Variants in DCC observed in about 807,000 individuals in gnomAD.
DCC encodes the protein netrin receptor DCC.
In DCC, 58 loss-of-function variants were observed where a neutral mutation model predicts 172.5. That is an observed-to-expected ratio of 0.34 (90% CI 0.27 to 0.42). The LOEUF (loss-of-function observed/expected upper bound fraction) is 0.42, where lower values mean the gene tolerates loss of function less well. Ranked by LOEUF, DCC falls within the 10% of genes least tolerant of loss-of-function variation. The pLI is 1.00. For synonymous variants in DCC, 709 were observed against 644.5 expected (o/e 1.10, Z -1.52); for missense variants, 1,740 against 1,791.0 (o/e 0.97, Z 0.51).
intron 3 of DCC, among the ~76,000 whole-genome samples, chr18:52,922,610 A>G (rs949825614): frequency 6.6e-6 from 1 of 152,192 alleles, no homozygotes; most frequent in African/African-American, 2.4e-5. Flanking sequence ...GATGACTTCA[A>G]TTAAGTCTTC....
chr18:53,037,356 T>C (rs939028212), intron 5 of DCC, among the ~76,000 whole-genome samples: 1 of 151,944 alleles, frequency 6.6e-6, no homozygotes, highest in Non-Finnish European at 1.5e-5. Context: ...AAATGACATA[T>C]ATTGCCTACT....
chr18:52,750,277 A>G (rs2145129696), intron 1 of DCC, among the ~76,000 whole-genome samples: 1 of 152,300 alleles, frequency 6.6e-6, no homozygotes, highest in South Asian at 2.1e-4. Flanking sequence ...TTGAAGTGAT[A>G]AAACCAAGAC....
rs74180424 is a variant in DCC, at chr18:53,437,582, C to CAAAA, written c.3229+2398_3229+2401dup. On this transcript the variant is annotated intron_variant, in intron 22 of 28. Transcript: ENST00000442544. Reference sequence around the variant, plus strand: ...TGGGCAACAGAGCAAGGCTCCATCTCAAAAAAAAAAAAAAAAAAAAAAAAA... The same window carrying CAAAA: ...TGGGCAACAGAGCAAGGCTCCATCTCAAAAAAAAAAAAAAAAAAAAAAAAAAAAA... 2.4e-4 allele frequency among the ~76,000 whole-genome samples: 5 copies of CAAAA among 20,838 alleles called. 1 individual carries two copies. Among genetic ancestry groups the CAAAA allele is most frequent in the African/African-American group, 6.4e-4 (3 of 4,722 alleles). The allele number at this position is 20,838 out of a possible 152,430, so 13.7% of individuals were successfully genotyped here. A position where few individuals can be genotyped will look rare whatever the true frequency, so the allele number is the denominator to read the frequency against.
chr18:53,485,747 T>G (rs1599205158), intron 25 of DCC, among the ~76,000 whole-genome samples: 1 of 152,076 alleles, frequency 6.6e-6, no homozygotes, highest in East Asian at 1.9e-4. Flanking sequence ...TCAGTTAGAA[T>G]TTAAAAGAAA....
In DCC at chr18:52,850,554, A is replaced by T. The variant is rs1004974542; in HGVS notation, c.413-55490A>T. ...ACTATTTGCTCTAAGTGAACGTATG[A>T]CTACAATGTGTAATGAACATTGTGT... On this transcript the variant is annotated intron_variant, in intron 2 of 28. Transcript: ENST00000442544. Among the ~76,000 whole-genome samples the T allele has an allele frequency of 8.5e-4, 130 of 152,126 alleles. 1 individual carries two copies. Among genetic ancestry groups the T allele is most frequent in the Admixed American group, 8.5e-3 (130 of 15,270 alleles).
intron 2 of DCC, among the ~76,000 whole-genome samples, chr18:52,861,466 A>G (rs568847605): frequency 6.6e-6 from 1 of 152,322 alleles, no homozygotes; most frequent in South Asian, 2.1e-4. Flanking sequence ...CTATGTAAAC[A>G]ACGATATTAC....
In DCC at chr18:53,402,883, G is replaced by A. The variant is rs267605209; in HGVS notation, c.2925G>A (p.Gly975=). 1.2e-6 allele frequency: 2 copies of A among 1,610,668 alleles called. No individual in the cohort carries two copies. The highest frequency in any genetic ancestry group is 1.7e-6 in the Non-Finnish European group (2 of 1,176,852). The part of the protein sequence containing the change: ...VSWQPPLEAN[G]KITAYILFYT... The stretch of plus-strand genomic sequence containing the variant: ...GGCAGCCTCCCTTGGAAGCCAATGG[G>A]AAAATTACTGGTAAGCATCTCCACT... The change falls in exon 19 of 29, where the codon GGG becomes GGA. Residue 975 remains glycine (G), a synonymous_variant. Transcript: ENST00000442544.
intron 12 of DCC, among the ~76,000 whole-genome samples, chr18:53,239,148 C>A (rs911011083): frequency 1.3e-5 from 2 of 150,282 alleles, no homozygotes; most frequent in African/African-American, 4.9e-5. Context: ...ACATATGTAA[C>A]TAACCTGCAC....
intron 1 of DCC, among the ~76,000 whole-genome samples, chr18:52,434,971 C>G (rs571906992): frequency 1.3e-5 from 2 of 152,104 alleles, no homozygotes; most frequent in Admixed American, 1.3e-4. Context: ...ACCTTTCTTG[C>G]GAGTAATCAT....
intron 1 of DCC, among the ~76,000 whole-genome samples, chr18:52,432,892 T>C (rs1987671729): frequency 1.3e-5 from 2 of 152,118 alleles, no homozygotes; most frequent in African/African-American, 4.8e-5. Flanking sequence ...TAGAGGGAAA[T>C]TGGCAAACGG....
chr18:53,370,172 G>C (rs1450529987), intron 15 of DCC, among the ~76,000 whole-genome samples: 1 of 151,718 alleles, frequency 6.6e-6, no homozygotes, highest in East Asian at 1.9e-4. Flanking sequence ...TTGTGATTTA[G>C]TCTTGGTTGG....
intron 15 of DCC, among the ~76,000 whole-genome samples, chr18:53,360,350 C>A (rs1289015495): frequency 6.6e-6 from 1 of 152,080 alleles, no homozygotes; most frequent in Non-Finnish European, 1.5e-5. Flanking sequence ...ATAGATTATT[C>A]ATATGTGAGT....
At chr18:53,201,108 A>G (rs2055529690) in intron 9 of DCC, among the ~76,000 whole-genome samples, 1 of 152,048 alleles carries the variant, frequency 6.6e-6, no homozygotes, top group African/African-American at 2.4e-5. Context: ...CTTCCCACAC[A>G]CTGCCTCCCT....
At chr18:52,900,341 C>G (rs377430880) in intron 2 of DCC, among the ~76,000 whole-genome samples, 1 of 152,170 alleles carries the variant, frequency 6.6e-6, no homozygotes, top group Admixed American at 6.5e-5. Flanking sequence ...CTAATGAATC[C>G]TTTTAATGTT....
intron 1 of DCC, among the ~76,000 whole-genome samples, chr18:52,428,444 G>C (rs1168566238): frequency 6.6e-6 from 1 of 152,010 alleles, no homozygotes; most frequent in African/African-American, 2.4e-5. Context: ...CAACATCATA[G>C]AAAAAAAGGT....
intron 27 of DCC, among the ~76,000 whole-genome samples, chr18:53,510,506 A>G (rs1158193798): frequency 6.6e-6 from 1 of 152,246 alleles, no homozygotes; most frequent in Non-Finnish European, 1.5e-5. Context: ...GTAAGTCAAA[A>G]GAGTATGTGT....
chr18:52,933,364 A>C (rs1270741451), intron 5 of DCC, among the ~76,000 whole-genome samples: 1 of 151,660 alleles, frequency 6.6e-6, no homozygotes, highest in African/African-American at 2.4e-5. Context: ...AGAGGAAGAC[A>C]AGGGACCCTG....
At chr18:52,913,329 T>C (rs2039997107) in intron 3 of DCC, among the ~76,000 whole-genome samples, 1 of 152,116 alleles carries the variant, frequency 6.6e-6, no homozygotes, top group Non-Finnish European at 1.5e-5. Context: ...CCATTTCTGT[T>C]TGATTCTGAA....
chr18:52,618,107 A>T (rs1221863), intron 1 of DCC, among the ~76,000 whole-genome samples: 1 of 152,210 alleles, frequency 6.6e-6, no homozygotes, highest in East Asian at 1.9e-4. Flanking sequence ...CATTAAAGCC[A>T]CAAGCTTGCT....
Sources: gnomAD v4.1 joint callset for allele counts (sites outside exome capture counted in the v4.1 genomes callset) on GRCh38, gnomAD v4.1.1 for gene constraint, MANE v1.5 for transcripts, NCBI Gene and HGNC (gene_info 2026-07-23, HGNC 2026-07-21) for gene names.